Variants in PPP2CB observed in about 807,000 individuals in gnomAD.
PPP2CB encodes protein phosphatase 2 catalytic subunit beta, also known as serine/threonine-protein phosphatase 2A catalytic subunit beta isoform.
Under a neutral mutation model 39.1 loss-of-function variants are expected in PPP2CB, and 18 were observed. That is an observed-to-expected ratio of 0.46 (90% confidence interval 0.32 to 0.68). PPP2CB has a LOEUF of 0.68. Among genes scored for constraint, PPP2CB ranks in the 30% least tolerant of loss-of-function variants. The pLI is 0.04. For synonymous variants in PPP2CB, 129 were observed against 133.8 expected (o/e 0.96, Z 0.25); for missense variants, 226 against 396.9 (o/e 0.57, Z 3.66).
chr8:30,794,214 C>T lies in PPP2CB; in HGVS notation c.554G>A (p.Arg185His). 2 of 1,613,908 alleles carry T rather than the reference C, an allele frequency of 1.2e-6. No homozygotes were observed. Among genetic ancestry groups the T allele is most frequent in the Non-Finnish European group, 8.5e-7 (1 of 1,179,896 alleles). The change falls in exon 4 of 7, where the codon CGT becomes CAT. Residue 185 changes from arginine (R) to histidine (H), a missense_variant. By Grantham distance (29) the Arg-to-His change is conservative (BLOSUM62 0). This residue lies in a region of PPP2CB where 110 missense variants were observed against 244.1 expected (regional missense o/e 0.45). Coordinates refer to ENST00000221138, the MANE Select transcript of PPP2CB (RefSeq NM_001009552.2). ...DTLDHIRALD[R>H]LQEVPHEGPM... ...TACCTCATGTGGAACTTCCTGTAAA[C>T]GATCCAGGGCTCTTATATGATCCAG... is the stretch of plus-strand genomic sequence containing the variant.
intron 1 of PPP2CB, among the ~76,000 whole-genome samples, chr8:30,807,568 A>T (rs1049745432): frequency 6.6e-6 from 1 of 152,242 alleles, no homozygotes; most frequent in Non-Finnish European, 1.5e-5. Context: ...AATCATCAGA[A>T]TAAAGATCTG....
intron 5 of PPP2CB, among the ~76,000 whole-genome samples, chr8:30,792,298 G>A (rs918653026): frequency 2.7e-5 from 4 of 150,158 alleles, no homozygotes; most frequent in African/African-American, 7.4e-5. Flanking sequence ...CCAGCAATCC[G>A]CTTGCCTCAG....
intron 1 of PPP2CB, among the ~76,000 whole-genome samples, chr8:30,811,901 C>T (rs2128763342): frequency 6.6e-6 from 1 of 152,320 alleles, no homozygotes; most frequent in Non-Finnish European, 1.5e-5. Flanking sequence ...ATTTTAGTTG[C>T]ATTTTCAGAA....
chr8:30,797,183 T>C (rs1363928598), intron 3 of PPP2CB, among the ~76,000 whole-genome samples: 2 of 152,140 alleles, frequency 1.3e-5, no homozygotes, highest in Non-Finnish European at 2.9e-5. Context: ...ACATTTGCAG[T>C]TACCATGAAA....
chr8:30,803,261 G>A (rs183844840), intron 1 of PPP2CB, among the ~76,000 whole-genome samples: 89 of 152,034 alleles, frequency 5.9e-4, no homozygotes, highest in Non-Finnish European at 9.4e-4. Context: ...GCACAAAGGA[G>A]GCCGGGGGCA....
At chr8:30,796,874 G>T (rs1806535797) in intron 3 of PPP2CB, among the ~76,000 whole-genome samples, 1 of 152,102 alleles carries the variant, frequency 6.6e-6, no homozygotes, top group Non-Finnish European at 1.5e-5. Flanking sequence ...TTGAGATGGG[G>T]TTTTGCTGTT....
At chr8:30,804,987 G>C (rs1243791169) in intron 1 of PPP2CB, among the ~76,000 whole-genome samples, 1 of 151,854 alleles carries the variant, frequency 6.6e-6, no homozygotes, top group African/African-American at 2.4e-5. Context: ...TTCATTAATC[G>C]TGTCCCCTCT....
At chr8:30,795,715 C>T (rs1806511922) in intron 3 of PPP2CB, among the ~76,000 whole-genome samples, 1 of 152,098 alleles carries the variant, frequency 6.6e-6, no homozygotes, top group South Asian at 2.1e-4. Flanking sequence ...CACCTGGTTG[C>T]TATTGGTTGT....
intron 3 of PPP2CB, among the ~76,000 whole-genome samples, chr8:30,797,018 A>AT (rs562532221): frequency 0.081 from 11,964 of 147,058 alleles, 809 homozygotes; most frequent in African/African-American, 0.18. Flanking sequence ...TAATTTTTAA[A>AT]TTTTTTTTTT....
At chr8:30,798,374 G>A (rs370204757) in intron 2 of PPP2CB, among the ~76,000 whole-genome samples, 1 of 152,196 alleles carries the variant, frequency 6.6e-6, no homozygotes, top group African/African-American at 2.4e-5. Context: ...GCTAAAAGCT[G>A]CAAGTATGTA....
intron 1 of PPP2CB, among the ~76,000 whole-genome samples, chr8:30,799,988 T>C (rs1563216235): frequency 6.6e-6 from 1 of 152,136 alleles, no homozygotes; most frequent in African/African-American, 2.4e-5. Context: ...AAATGCAAAA[T>C]GGTGCAGCTG....
chr8:30,809,799 T>C (rs1806793216), intron 1 of PPP2CB, among the ~76,000 whole-genome samples: 1 of 151,952 alleles, frequency 6.6e-6, no homozygotes. Context: ...TATCCCGGTG[T>C]GGTGACACAT....
At chr8:30,811,946 C>T (rs1806837392) in intron 1 of PPP2CB, among the ~76,000 whole-genome samples, 1 of 152,228 alleles carries the variant, frequency 6.6e-6, no homozygotes, top group Non-Finnish European at 1.5e-5. Context: ...GGACGTCGCT[C>T]TCGCTAGTCC....
At chr8:30,801,466 G>A (rs28483846) in intron 1 of PPP2CB, among the ~76,000 whole-genome samples, 11,764 of 151,714 alleles carry the variant, frequency 0.078, 1,001 homozygotes, top group African/African-American at 0.21. Flanking sequence ...CCTGGGAGGC[G>A]GAGCTTGCAG....
chr8:30,804,136 TAAAAC>T (rs1286781844), intron 1 of PPP2CB, among the ~76,000 whole-genome samples: 5 of 152,080 alleles, frequency 3.3e-5, no homozygotes, highest in African/African-American at 7.2e-5. Flanking sequence ...AATACAAACT[TAAAAC>T]AAAAAAAGAA....
intron 1 of PPP2CB, among the ~76,000 whole-genome samples, chr8:30,809,058 C>T (rs1806774420): frequency 6.6e-6 from 1 of 150,472 alleles, no homozygotes; most frequent in South Asian, 2.1e-4. Context: ...GCTGGGAGTG[C>T]AACACTACGC....
At chr8:30,797,411 G>A (rs1283821246) in intron 3 of PPP2CB, among the ~76,000 whole-genome samples, 170 bp downstream of exon 3, 1 of 152,172 alleles carries the variant, frequency 6.6e-6, no homozygotes. Context: ...CCAAATGTAT[G>A]TGAAACTTAT....
chr8:30,812,019 C>A (rs1476843967), intron 1 of PPP2CB, among the ~76,000 whole-genome samples: 2 of 152,188 alleles, frequency 1.3e-5, no homozygotes, highest in South Asian at 4.1e-4. Context: ...CGACCAACCT[C>A]CTGCTTGGCT....
At position 30,812,485 on chromosome 8, in the gene PPP2CB, C is replaced by T; in HGVS notation, c.-64G>A. On this transcript the variant is annotated 5_prime_UTR_variant, in exon 1 of 7. Transcript: ENST00000221138. ...GGCCGCCGCCCTCCCCCCTCCCCAC[C>T]CGCCCCCGGCCCCGGCCCGGGCGCC... is the stretch of plus-strand genomic sequence containing the variant. 3 of 1,239,892 alleles carry T rather than the reference C, an allele frequency of 2.4e-6. No homozygotes were observed. The highest frequency in any genetic ancestry group is 3.2e-6 in the Non-Finnish European group (3 of 928,260). The allele number at this position is 1,239,892 out of a possible 1,614,324, so 76.8% of individuals were successfully genotyped here.
Sources: allele counts gnomAD v4.1 joint callset (sites outside exome capture counted in the v4.1 genomes callset), GRCh38; gene constraint gnomAD v4.1.1; regional missense constraint gnomAD v4.1.1; transcripts MANE v1.5; gene names NCBI Gene and HGNC (gene_info 2026-07-23, HGNC 2026-07-21).